EYA4: variants seen among roughly 807,000 people sequenced by gnomAD.
EYA4 encodes protein phosphatase EYA4.
Under a neutral mutation model 87.9 loss-of-function variants are expected in EYA4, and 31 were observed. The observed-to-expected ratio is 0.35, with a 90% confidence interval of 0.27 to 0.48. The LOEUF (loss-of-function observed/expected upper bound fraction) is 0.48, where lower values mean the gene tolerates loss of function less well. EYA4 is among the 20% of genes least tolerant of loss of function. The pLI is 0.99. For synonymous variants in EYA4, 263 were observed against 270.6 expected, an observed-to-expected ratio of 0.97 and a Z score of 0.28; for missense variants, 678 against 761.4, an observed-to-expected ratio of 0.89 and a Z score of 1.29.
chr6:133,244,652 A>G (rs1774261476), intron 1 of EYA4, among the ~76,000 whole-genome samples: 1 of 150,126 alleles, frequency 6.7e-6, no homozygotes, highest in Non-Finnish European at 1.5e-5. Flanking sequence ...AAAAACAAGT[A>G]CTCCATTTCT....
chr6:133,531,142 A>G lies in EYA4; in HGVS notation c.*2337A>G. The G allele has an allele frequency of 6.5e-7, 1 of 1,530,398 alleles. No individual in the cohort carries two copies. Among genetic ancestry groups the G allele is most frequent in the South Asian group, 1.2e-5 (1 of 83,540 alleles). 94.8% of individuals were successfully genotyped at this position (1,530,398 alleles called of 1,614,324 possible). A position where few individuals can be genotyped will look rare whatever the true frequency, so the allele number is the denominator to read the frequency against. ...AAACACCCCTTGGAAGGGCAAAGAGAAGCCGGCTGGTTGCATCACCCCGTG... is the reference window on the plus strand; with the variant it reads ...AAACACCCCTTGGAAGGGCAAAGAGGAGCCGGCTGGTTGCATCACCCCGTG... On this transcript the variant is annotated 3_prime_UTR_variant, in exon 20 of 20. Transcript: ENST00000355286.
Position 133,529,803 on chromosome 6 carries a change from C to G in EYA4, c.*998C>G. The G allele has an allele frequency of 1.0e-6, 1 of 983,864 alleles. No homozygotes were observed. The highest frequency in any genetic ancestry group is 1.2e-6 in the Non-Finnish European group (1 of 828,520). 60.9% of individuals were successfully genotyped at this position (983,864 alleles called of 1,614,324 possible). On this transcript the variant is annotated 3_prime_UTR_variant, in exon 20 of 20. Coordinates refer to ENST00000355286, the MANE Select transcript of EYA4 (RefSeq NM_004100.5). ...AATGTATGTAGAAGTCTCAAGTACC[C>G]CTTCTACAGTTTTACTGGAGAAAAC...
intron 7 of EYA4, 109 bp from the exon 8 acceptor site, chr6:133,462,226 G>A: frequency 8.2e-7 from 1 of 1,219,572 alleles, no homozygotes; most frequent in South Asian, 1.2e-5. Flanking sequence ...ATTATATTGT[G>A]GATAAAGAGG....
chr6:133,452,305 G>A (rs967514488), intron 5 of EYA4, among the ~76,000 whole-genome samples: 4 of 152,066 alleles, frequency 2.6e-5, no homozygotes, highest in African/African-American at 9.7e-5. Context: ...CCTTAAACTG[G>A]TGCACACACA....
At chr6:133,433,225 G>T (rs1372842276) in intron 3 of EYA4, among the ~76,000 whole-genome samples, 9 of 152,266 alleles carry the variant, frequency 5.9e-5, no homozygotes, top group African/African-American at 1.9e-4. Context: ...GTGATAATGA[G>T]AAGCCAATAT....
At chr6:133,499,217 C>T (rs906521546) in intron 13 of EYA4, among the ~76,000 whole-genome samples, 1 of 152,086 alleles carries the variant, frequency 6.6e-6, no homozygotes, top group African/African-American at 2.4e-5. Flanking sequence ...ATCATCAACC[C>T]TCTCCTAGGC....
At chr6:133,517,198 G>A (rs931613660) in intron 17 of EYA4, among the ~76,000 whole-genome samples, 1 of 152,070 alleles carries the variant, frequency 6.6e-6, no homozygotes. Flanking sequence ...ACATAGAGGG[G>A]AACAACACAC....
intron 3 of EYA4, among the ~76,000 whole-genome samples, chr6:133,439,770 A>T (rs1020050646): frequency 1.3e-5 from 2 of 152,208 alleles, no homozygotes; most frequent in African/African-American, 4.8e-5. Flanking sequence ...TTCATAAGTC[A>T]GACTGATTCT....
chr6:133,458,908 GA>G (rs974447535), intron 6 of EYA4, among the ~76,000 whole-genome samples: 1 of 152,172 alleles, frequency 6.6e-6, no homozygotes, highest in Non-Finnish European at 1.5e-5. Flanking sequence ...GTTGTATGCA[GA>G]AATGATGGAA....
rs1003638503 is a variant in EYA4 at position 133,481,465 on chromosome 6, G to A, written c.973G>A (p.Glu325Lys). ...SLPGLTNQPG[E>K]FDTMQSPSTP... ...GACCTAAGTCATGTTATCTATAGGA[G>A]AGTTCGATACCATGCAGAGTCCCTC... is the stretch of plus-strand genomic sequence containing the variant. Residue 325 changes from glutamate to lysine, a missense_variant and splice_region_variant, in exon 12 of 20, where the codon GAG becomes AAG. Transcript: ENST00000355286. The A allele has an allele frequency of 8.1e-6, 13 of 1,613,514 alleles. No homozygotes were observed. In the Admixed American group the frequency reaches 1.5e-4, roughly 19 times the overall value.
chr6:133,326,694 G>C (rs1781523466), intron 2 of EYA4, among the ~76,000 whole-genome samples: 1 of 152,216 alleles, frequency 6.6e-6, no homozygotes. Context: ...TTGCCGGCTT[G>C]CCTGGACACA....
intron 1 of EYA4, among the ~76,000 whole-genome samples, chr6:133,258,720 T>C (rs1447885884): frequency 6.6e-6 from 1 of 152,036 alleles, no homozygotes; most frequent in Admixed American, 6.6e-5. Flanking sequence ...CTTGGAAGAG[T>C]TCTTTCCCGG....
intron 13 of EYA4, among the ~76,000 whole-genome samples, chr6:133,486,137 T>A (rs373383654): frequency 2.0e-5 from 3 of 152,206 alleles, no homozygotes; most frequent in African/African-American, 7.2e-5. Context: ...TAGGCTATAT[T>A]TTTTTTAATA....
chr6:133,312,380 G>A (rs1780290083), intron 2 of EYA4, among the ~76,000 whole-genome samples: 3 of 137,462 alleles, frequency 2.2e-5, no homozygotes, highest in Admixed American at 1.4e-4. Context: ...AGAGAGGCGC[G>A]TGCACACACA....
At chr6:133,381,734 G>A (rs147421429) in intron 2 of EYA4, among the ~76,000 whole-genome samples, 1 of 152,188 alleles carries the variant, frequency 6.6e-6, no homozygotes, top group African/African-American at 2.4e-5. Context: ...AAAATCTATG[G>A]ATTTCACCAT....
chr6:133,409,830 G>A (rs532143857), intron 3 of EYA4, among the ~76,000 whole-genome samples: 1 of 152,102 alleles, frequency 6.6e-6, no homozygotes, highest in African/African-American at 2.4e-5. Flanking sequence ...GAGTATGGAT[G>A]TTAGAAAATC....
intron 14 of EYA4, among the ~76,000 whole-genome samples, chr6:133,509,695 T>C (rs1208407001): frequency 6.6e-6 from 1 of 152,204 alleles, no homozygotes; most frequent in Non-Finnish European, 1.5e-5. Context: ...AAAAGACTGC[T>C]GTGAATTATA....
At chr6:133,386,840 A>G (rs1453185213) in intron 3 of EYA4, among the ~76,000 whole-genome samples, 1 of 152,194 alleles carries the variant, frequency 6.6e-6, no homozygotes, top group Admixed American at 6.5e-5. Flanking sequence ...TGTATGAGCT[A>G]AGATGATAGT....
At chr6:133,358,624 C>G (rs963923036) in intron 2 of EYA4, among the ~76,000 whole-genome samples, 9 of 152,126 alleles carry the variant, frequency 5.9e-5, no homozygotes, top group Non-Finnish European at 7.4e-5. Flanking sequence ...TTGTAAAATG[C>G]ACGGGTATTA....
Sources: allele counts gnomAD v4.1 joint callset (sites outside exome capture counted in the v4.1 genomes callset), GRCh38; gene constraint gnomAD v4.1.1; transcripts MANE v1.5; gene names NCBI Gene and HGNC (gene_info 2026-07-23, HGNC 2026-07-21).